The following ZFHX3 variants were observed in gnomAD, a reference collection of about 807,000 sequenced individuals.
The protein encoded by ZFHX3 is zinc finger homeobox protein 3.
ZFHX3 carries 42 observed loss-of-function variants against 279.1 expected under a neutral mutation model. That is an observed-to-expected ratio of 0.15 (90% CI 0.12 to 0.19). The LOEUF (loss-of-function observed/expected upper bound fraction) is 0.19. Ranked by LOEUF, ZFHX3 falls within the 10% of genes least tolerant of loss-of-function variation. The pLI is 1.00. For missense variants in ZFHX3, 4,981 were observed against 4,754.0 expected, an observed-to-expected ratio of 1.05 and a Z score of -1.40; for synonymous variants, 2,293 against 1,957.8, an observed-to-expected ratio of 1.17 and a Z score of -4.52.
intron 1 of ZFHX3, among the ~76,000 whole-genome samples, chr16:73,833,524 T>A (rs1176564542): frequency 1.3e-5 from 2 of 151,920 alleles, no homozygotes; most frequent in Non-Finnish European, 2.9e-5. Flanking sequence ...AAACACCGCA[T>A]GTTCTCACTC....
intron 1 of ZFHX3, among the ~76,000 whole-genome samples, chr16:72,966,932 G>GGATT (rs1259145293): frequency 1.3e-5 from 2 of 152,210 alleles, no homozygotes; most frequent in African/African-American, 2.4e-5. Context: ...ATGGAGAAGG[G>GGATT]GATTGTGCTA....
At chr16:73,492,656 T>C (rs2019073974) in intron 2 of ZFHX3, among the ~76,000 whole-genome samples, 1 of 152,222 alleles carries the variant, frequency 6.6e-6, no homozygotes, top group Admixed American at 6.5e-5. Context: ...GAAGGTTAAA[T>C]ATCACATATA....
chr16:73,467,582 T>G (rs1431119166), intron 2 of ZFHX3, among the ~76,000 whole-genome samples: 1 of 152,200 alleles, frequency 6.6e-6, no homozygotes, highest in Non-Finnish European at 1.5e-5. Context: ...ATGGGCAGAT[T>G]GTGATAAATC....
chr16:73,036,930 C>G (rs1201573810), intron 1 of ZFHX3, among the ~76,000 whole-genome samples: 1 of 152,138 alleles, frequency 6.6e-6, no homozygotes, highest in Non-Finnish European at 1.5e-5. Flanking sequence ...AAAACACACC[C>G]GCAAACTTCC....
chr16:73,488,518 G>A (rs1412282404), intron 2 of ZFHX3, among the ~76,000 whole-genome samples: 1 of 152,152 alleles, frequency 6.6e-6, no homozygotes. Context: ...TGACACGGAT[G>A]GAAACAACTG....
exon 8 of ZFHX3, chr16:73,093,518 G>C: frequency 2.0e-6 from 1 of 505,602 alleles, no homozygotes. Flanking sequence ...GCTGCGCCCT[G>C]TCCACTCTCG....
intron 4 of ZFHX3, among the ~76,000 whole-genome samples, chr16:73,316,940 C>T (rs2015462699): frequency 1.3e-5 from 2 of 152,056 alleles, no homozygotes; most frequent in African/African-American, 4.8e-5. Context: ...GCTGTTGGCC[C>T]TTTTGTGAGA....
At chr16:73,769,965 T>G (rs569684296) in intron 1 of ZFHX3, among the ~76,000 whole-genome samples, 1 of 152,364 alleles carries the variant, frequency 6.6e-6, no homozygotes, top group South Asian at 2.1e-4. Flanking sequence ...TTTATTATCA[T>G]AGTGCACTCA....
chr16:73,723,154 C>T (rs994995497), intron 1 of ZFHX3, among the ~76,000 whole-genome samples: 3 of 152,166 alleles, frequency 2.0e-5, no homozygotes, highest in Non-Finnish European at 4.4e-5. Context: ...ACCCCATTGG[C>T]CACGGACTGA....
intron 5 of ZFHX3, among the ~76,000 whole-genome samples, chr16:73,253,168 G>A (rs79339867): frequency 0.014 from 2,134 of 152,210 alleles, 48 homozygotes; most frequent in African/African-American, 0.049. Context: ...GGACTCCTCC[G>A]TGGCCTGGCT....
intron 5 of ZFHX3, among the ~76,000 whole-genome samples, chr16:73,212,574 T>A (rs756067307): frequency 6.6e-6 from 1 of 152,242 alleles, no homozygotes; most frequent in Non-Finnish European, 1.5e-5. Flanking sequence ...CATACTGATA[T>A]GTTGCAAATG....
intron 3 of ZFHX3, among the ~76,000 whole-genome samples, chr16:73,442,909 C>T (rs2018119420): frequency 6.6e-6 from 1 of 152,170 alleles, no homozygotes; most frequent in Non-Finnish European, 1.5e-5. Flanking sequence ...CCTAACCCGG[C>T]TAATTTTTTA....
chr16:73,095,098 A>G (rs1430569578), intron 7 of ZFHX3, among the ~76,000 whole-genome samples: 1 of 151,662 alleles, frequency 6.6e-6, no homozygotes, highest in Admixed American at 6.6e-5. Context: ...TTTACTTTTT[A>G]TTTTAAATAG....
intron 2 of ZFHX3, among the ~76,000 whole-genome samples, chr16:73,647,012 CCTTTTT>C (rs2052624178): frequency 7.3e-6 from 1 of 136,590 alleles, no homozygotes; most frequent in African/African-American, 3.2e-5. Context: ...GTTGTGCCAA[CCTTTTT>C]TTTTTCTTTT....
At chr16:73,130,904 G>A in intron 7 of ZFHX3, 1 of 1,264,076 alleles carries the variant, frequency 7.9e-7, no homozygotes, top group Non-Finnish European at 1.0e-6. Flanking sequence ...CAACACGCTG[G>A]GCCCAGACAG....
chr16:73,755,994 C>G (rs1304280961), intron 1 of ZFHX3, among the ~76,000 whole-genome samples: 1 of 152,170 alleles, frequency 6.6e-6, no homozygotes, highest in Non-Finnish European at 1.5e-5. Flanking sequence ...CCACTCTCCA[C>G]CGCTTAGAGA....
At chr16:72,923,711 ATCTCAAGTC>A (rs1177537570) in intron 3 of ZFHX3, among the ~76,000 whole-genome samples, 3 of 148,966 alleles carry the variant, frequency 2.0e-5, no homozygotes. Flanking sequence ...GACCTCATCA[ATCTCAAGTC>A]TCTCTCCTTG....
chr16:73,419,776 T>C (rs910219981), intron 3 of ZFHX3, among the ~76,000 whole-genome samples: 12 of 152,146 alleles, frequency 7.9e-5, no homozygotes, highest in Admixed American at 1.3e-4. Flanking sequence ...CATTCACAAG[T>C]CTGCCTGGGA....
At chr16:73,031,749 T>C (rs902198364) in intron 1 of ZFHX3, among the ~76,000 whole-genome samples, 2 of 152,152 alleles carry the variant, frequency 1.3e-5, no homozygotes, top group Admixed American at 6.5e-5. Flanking sequence ...GAAGATCCTC[T>C]GCTCCTTTCT....
Sources: gnomAD v4.1 joint callset for allele counts (sites outside exome capture counted in the v4.1 genomes callset) on GRCh38, gnomAD v4.1.1 for gene constraint, MANE v1.5 for transcripts, NCBI Gene and HGNC (gene_info 2026-07-23, HGNC 2026-07-21) for gene names.